IL26: variants seen among roughly 807,000 people sequenced by gnomAD.
IL26 encodes interleukin 26.
In IL26, 23 loss-of-function variants were observed where a neutral mutation model predicts 21.7. The ratio of observed to expected loss-of-function variants is 1.06; its 90% CI spans 0.76 to 1.50. IL26 has a LOEUF of 1.50. Among genes scored for constraint, IL26 ranks in the 40% most tolerant of loss-of-function variants. IL26 has a pLI of 0.00. For missense variants in IL26, 204 were observed against 196.0 expected (o/e 1.04, Z -0.24); for synonymous variants, 63 against 67.8 (o/e 0.93, Z 0.34).
Position 68,225,429 on chromosome 12 carries a change from G to A in IL26, c.228+15C>T, listed in dbSNP as rs182999839. 1.9e-6 allele frequency: 3 copies of A among 1,553,198 alleles called. No individual in the cohort carries two copies. The highest frequency in any genetic ancestry group is 2.3e-5 in the East Asian group (1 of 44,280). On this transcript the variant is annotated intron_variant, in intron 2 of 4. Transcript: ENST00000229134. ...TAAGTGGAAATGTAAAAAAGAAGAA[G>A]ACTTTCTGACTTACCATAAACTGCT...
chr12:68,208,529 A>G (rs187439538), intron 3 of IL26, among the ~76,000 whole-genome samples: 5 of 151,584 alleles, frequency 3.3e-5, no homozygotes, highest in Admixed American at 6.6e-5. Flanking sequence ...ACGGAGTTTC[A>G]CTCTTGTGGC....
chr12:68,213,989 A>G (rs905158729), intron 3 of IL26, among the ~76,000 whole-genome samples: 5 of 152,106 alleles, frequency 3.3e-5, no homozygotes, highest in Non-Finnish European at 4.4e-5. Context: ...GTAGGCATTT[A>G]CTGCTATAAA....
intron 3 of IL26, among the ~76,000 whole-genome samples, chr12:68,207,672 A>G (rs1592895509): frequency 6.6e-6 from 1 of 152,196 alleles, no homozygotes; most frequent in South Asian, 2.1e-4. Flanking sequence ...TGATTGGTAG[A>G]AGCAGTTTCT....
intron 3 of IL26, among the ~76,000 whole-genome samples, chr12:68,203,163 T>C (rs1393957579): frequency 6.6e-6 from 1 of 152,204 alleles, no homozygotes; most frequent in Admixed American, 6.5e-5. Flanking sequence ...GCTTGTAGGC[T>C]GGCTGGCCAG....
chr12:68,224,948 A>G (rs1869194457), intron 3 of IL26, among the ~76,000 whole-genome samples: 2 of 152,244 alleles, frequency 1.3e-5, no homozygotes, highest in Admixed American at 1.3e-4. Flanking sequence ...GCCATTCTTT[A>G]AGAAATAATA....
intron 3 of IL26, among the ~76,000 whole-genome samples, chr12:68,215,249 G>T (rs1868843155): frequency 6.6e-6 from 1 of 152,128 alleles, no homozygotes; most frequent in Non-Finnish European, 1.5e-5. Context: ...AAAGCTGATT[G>T]TCCACCTCAA....
chr12:68,207,225 G>A (rs2120429225), intron 3 of IL26, among the ~76,000 whole-genome samples: 1 of 152,252 alleles, frequency 6.6e-6, no homozygotes, highest in Admixed American at 6.5e-5. Flanking sequence ...GGCAACCTCA[G>A]CTGCATACCT....
rs1424591821 is a variant in IL26, at chr12:68,201,560, A to T, written c.*285T>A. ...CCACACACAAATATTACACGAGTTA[A>T]TTCAGGTTACATACTTTAAATTAAG... On this transcript the variant is annotated 3_prime_UTR_variant, in exon 5 of 5. Transcript: ENST00000229134. 3.7e-6 allele frequency: 1 copy of T among 267,532 alleles called. No homozygotes were observed. Among genetic ancestry groups the T allele is most frequent in the African/African-American group, 2.2e-5 (1 of 44,804 alleles). The allele number at this position is 267,532 out of a possible 1,614,324, so 16.6% of individuals were successfully genotyped here. A position where few individuals can be genotyped will look rare whatever the true frequency, so the allele number is the denominator to read the frequency against.
Position 68,225,753 on chromosome 12 carries a change from G to T in IL26, c.4C>A (p.Leu2Met). Residue 2 changes from leucine (L) to methionine (M), a missense_variant, in exon 1 of 5, where the codon CTG becomes ATG. By Grantham distance (15) the Leu-to-Met change is conservative. Coordinates refer to ENST00000229134, the MANE Select transcript of IL26 (RefSeq NM_018402.2). Reference protein sequence around the residue: MLVNFILRCGLL... With the variant: MMVNFILRCGLL... ...CCACACCTCAAAATGAAATTCACCA[G>T]CATTTCCCTTCACCCCACTCAGCGT... 6.2e-7 allele frequency: 1 copy of T among 1,613,782 alleles called. No homozygotes were observed. The highest frequency in any genetic ancestry group is 8.5e-7 in the Non-Finnish European group (1 of 1,179,790).
chr12:68,204,237 G>C (rs1868470099), intron 3 of IL26, among the ~76,000 whole-genome samples: 1 of 149,970 alleles, frequency 6.7e-6, no homozygotes, highest in Non-Finnish European at 1.5e-5. Flanking sequence ...TCCACCCCCG[G>C]GGTTCACGCC....
At chr12:68,207,475 C>A (rs923142722) in intron 3 of IL26, among the ~76,000 whole-genome samples, 2 of 152,306 alleles carry the variant, frequency 1.3e-5, no homozygotes, top group African/African-American at 4.8e-5. Context: ...CATTATACAG[C>A]ATTTTAAGTG....
chr12:68,223,884 G>GTTTTTTTTTTTTTTTTTTTTTGTTTTT (rs376115904), intron 3 of IL26, among the ~76,000 whole-genome samples: 1 of 132,272 alleles, frequency 7.6e-6, no homozygotes. Context: ...AAATTTGGTG[G>GTTTTTTTTTTTTTTTTTTTTTGTTTTT]TTTTTTTTTT....
At chr12:68,204,103 T>A (rs1868461996) in intron 3 of IL26, among the ~76,000 whole-genome samples, 1 of 151,998 alleles carries the variant, frequency 6.6e-6, no homozygotes, top group Non-Finnish European at 1.5e-5. Context: ...TTAAAAGTAG[T>A]TCCTCATGTT....
At chr12:68,221,687 G>A (rs145832215) in intron 3 of IL26, among the ~76,000 whole-genome samples, 5 of 152,312 alleles carry the variant, frequency 3.3e-5, no homozygotes, top group African/African-American at 1.2e-4. Context: ...ATCTCTAGCT[G>A]ACAACATGTG....
intron 3 of IL26, among the ~76,000 whole-genome samples, chr12:68,212,345 G>A (rs909800007): frequency 3.9e-5 from 6 of 152,056 alleles, no homozygotes; most frequent in Admixed American, 3.9e-4. Context: ...TTTTTGCTCA[G>A]TATTGCTTTG....
intron 3 of IL26, among the ~76,000 whole-genome samples, chr12:68,216,886 CAG>C (rs887452647): frequency 1.3e-4 from 20 of 152,176 alleles, no homozygotes; most frequent in African/African-American, 3.4e-4. Flanking sequence ...TAAAAACTAA[CAG>C]AAATTATTTT....
chr12:68,218,884 A>G (rs1868967942), intron 3 of IL26, among the ~76,000 whole-genome samples: 1 of 152,052 alleles, frequency 6.6e-6, no homozygotes, highest in Non-Finnish European at 1.5e-5. Context: ...CAATCAAAAG[A>G]AAGCTGGAGT....
Position 68,201,705 on chromosome 12 carries a change from C to T in IL26, c.*140G>A. 1 of 504,216 alleles carries T rather than the reference C, an allele frequency of 2.0e-6. No homozygotes were observed. Among genetic ancestry groups the T allele is most frequent in the Non-Finnish European group, 3.5e-6 (1 of 288,754 alleles). The allele number at this position is 504,216 out of a possible 1,614,324, so 31.2% of individuals were successfully genotyped here. On this transcript the variant is annotated 3_prime_UTR_variant, in exon 5 of 5. Transcript: ENST00000229134. ...CAAAACGTTAATTTACTAAATCCTT[C>T]TTGTCTATTCTGAATCACCTAACAT...
intron 3 of IL26, among the ~76,000 whole-genome samples, chr12:68,209,063 A>C (rs1868628379): frequency 6.6e-6 from 1 of 152,206 alleles, no homozygotes; most frequent in South Asian, 2.1e-4. Flanking sequence ...TACAATCCTT[A>C]GTTTTTTCCA....
Sources: allele counts gnomAD v4.1 joint callset (sites outside exome capture counted in the v4.1 genomes callset), GRCh38; gene constraint gnomAD v4.1.1; transcripts MANE v1.5; gene names NCBI Gene and HGNC (gene_info 2026-07-23, HGNC 2026-07-21).